DOCK8: variants seen among roughly 807,000 people sequenced by gnomAD.
DOCK8 encodes the protein dedicator of cytokinesis 8, also known as dedicator of cytokinesis protein 8.
Under a neutral mutation model 245.6 loss-of-function variants are expected in DOCK8, and 141 were observed. The ratio of observed to expected loss-of-function variants is 0.57; its 90% CI spans 0.50 to 0.66. The LOEUF (loss-of-function observed/expected upper bound fraction) is 0.66, where lower values mean the gene tolerates loss of function less well. DOCK8 is among the 30% of genes least tolerant of loss of function. The pLI is 0.00. For missense variants in DOCK8, 2,965 were observed against 2,603.4 expected (o/e 1.14, Z -3.02); for synonymous variants, 1,168 against 970.2 (o/e 1.20, Z -3.79).
chr9:307,352 T>G (rs55780169), intron 5 of DOCK8, among the ~76,000 whole-genome samples: 1,557 of 73,590 alleles, frequency 0.021, 27 homozygotes, highest in African/African-American at 0.086. Flanking sequence ...TTTTTTTTTT[T>G]TTTTTTTTTT....
intron 5 of DOCK8, among the ~76,000 whole-genome samples, chr9:305,663 A>G (rs928311576): frequency 6.6e-6 from 1 of 152,248 alleles, no homozygotes; most frequent in African/African-American, 2.4e-5. Flanking sequence ...AGCTTTTAAC[A>G]CTATTCTGTA....
chr9:420,618 T>A (rs1388000645), intron 31 of DOCK8, 35 bp downstream of exon 31: 1 of 1,611,764 alleles, frequency 6.2e-7, no homozygotes, highest in East Asian at 2.2e-5. Context: ...ATACCAGCTC[T>A]TATCTCTCAA....
Position 378,033 on chromosome 9 carries a change from A to G in DOCK8, c.2440+822A>G, listed in dbSNP as rs545173618. ...AGCAGACGTCTTTTGGGTACCATCC[A>G]TATGCCCAGTACTGTACTAAAAGTT... On this transcript the variant is annotated intron_variant, in intron 20 of 47. Transcript: ENST00000432829. 2.0e-5 allele frequency among the ~76,000 whole-genome samples: 3 copies of G among 152,304 alleles called. No individual in the cohort carries two copies. In the South Asian group the frequency reaches 6.2e-4, roughly 32 times the overall value.
At chr9:248,454 C>A (rs1045451152) in intron 1 of DOCK8, among the ~76,000 whole-genome samples, 2 of 151,240 alleles carry the variant, frequency 1.3e-5, no homozygotes, top group Admixed American at 6.6e-5. Context: ...CCCCTCCTTC[C>A]TTCCTTCCTT....
intron 14 of DOCK8, among the ~76,000 whole-genome samples, chr9:362,143 C>A (rs1335189459): frequency 6.6e-6 from 1 of 152,160 alleles, no homozygotes; most frequent in Non-Finnish European, 1.5e-5. Flanking sequence ...GATTGGTCCT[C>A]CATGTTCTCC....
At position 455,872 on chromosome 9, in the gene DOCK8, C is replaced by G. The variant is rs185774923; in HGVS notation, c.6068+3755C>G. On this transcript the variant is annotated intron_variant, in intron 46 of 47. Transcript: ENST00000432829. The stretch of plus-strand genomic sequence containing the variant: ...GAACAAAAAAAAAAGCAAACATGCT[C>G]AAACTGCTGCACCTTGAACCAACTA... Among the ~76,000 whole-genome samples, 268 of 152,160 alleles carry G rather than the reference C, an allele frequency of 1.8e-3. 2 individuals are homozygous for G. The highest frequency in any genetic ancestry group is 6.1e-3 in the African/African-American group (253 of 41,524).
rs758411350 is a variant in DOCK8 at position 340,286 on chromosome 9, A to G, written c.1644A>G (p.Pro548=). Residue 548 remains proline (P), a synonymous_variant, in exon 14 of 48, where the codon CCA becomes CCG. Coordinates refer to ENST00000432829, the MANE Select transcript of DOCK8 (RefSeq NM_203447.4). ...CGCACAAAGAGATTTTGGAATTTCC[A>G]ACACGAGAAGTATATGTCCCTCACA... ...TRPHKEILEF[P]TREVYVPHTV... 5.6e-6 allele frequency: 9 copies of G among 1,614,082 alleles called. No individual in the cohort carries two copies. In the African/African-American group the frequency reaches 1.2e-4, roughly 22 times the overall value.
rs749361649 is a variant in DOCK8 at position 370,256 on chromosome 9, T to A, written c.1824T>A (p.Pro608=). 189 of 1,614,030 alleles carry A rather than the reference T, an allele frequency of 1.2e-4. 1 individual carries two copies. The highest frequency in any genetic ancestry group is 1.5e-4 in the Non-Finnish European group (175 of 1,179,944). Residue 608 remains proline, a synonymous_variant, in exon 16 of 48, where the codon CCT becomes CCA. Transcript: ENST00000432829. ...TCATCTTTGGAAAATCCAGCGGGCC[T>A]GAATTTCTGCAGGAAGTGTACACAG... ...MPVIFGKSSG[P]EFLQEVYTAV...
chr9:379,997 A>G, intron 21 of DOCK8, 62 bp downstream of exon 21: 1 of 1,560,568 alleles, frequency 6.4e-7, no homozygotes. Context: ...ACCCCACTGC[A>G]GTGTAATCCA....
chr9:215,257 C>A, intron 1 of DOCK8: 1 of 1,600,150 alleles, frequency 6.2e-7, no homozygotes, highest in Non-Finnish European at 8.5e-7. Context: ...CTCGGTGCTC[C>A]TGGATGTCCT....
chr9:393,500 G>T (rs1039355481), intron 24 of DOCK8, among the ~76,000 whole-genome samples: 8 of 152,206 alleles, frequency 5.3e-5, no homozygotes, highest in Non-Finnish European at 1.0e-4. Flanking sequence ...GTTGGAGGAA[G>T]GGTGGTGGCC....
intron 28 of DOCK8, among the ~76,000 whole-genome samples, chr9:411,608 G>A (rs947450657): frequency 1.3e-5 from 2 of 152,074 alleles, no homozygotes; most frequent in African/African-American, 4.8e-5. Context: ...TATGAAGCTA[G>A]CATTACCCTA....
rs558653367 is a variant in DOCK8 at position 308,948 on chromosome 9, C to T, written c.529-3006C>T. ...CTGAGATTACAGGCATGAGCCACCG[C>T]ACCTGGCCAGGTTCTTTCTTTTAAT... On this transcript the variant is annotated intron_variant, in intron 5 of 47. Coordinates refer to ENST00000432829, the MANE Select transcript of DOCK8 (RefSeq NM_203447.4). Among the ~76,000 whole-genome samples the T allele has an allele frequency of 9.8e-5, 15 of 152,350 alleles. No individual in the cohort carries two copies. In the South Asian group the frequency reaches 1.7e-3, roughly 17 times the overall value.
At chr9:315,097 A>AG (rs1297974325) in intron 6 of DOCK8, among the ~76,000 whole-genome samples, 1 of 152,242 alleles carries the variant, frequency 6.6e-6, no homozygotes, top group Admixed American at 6.5e-5. Flanking sequence ...AAACCAATTC[A>AG]GAAAAAAAGG....
intron 25 of DOCK8, among the ~76,000 whole-genome samples, chr9:397,441 C>A (rs1020242533): frequency 6.6e-6 from 1 of 151,642 alleles, no homozygotes; most frequent in East Asian, 1.9e-4. Flanking sequence ...GTAATCCCAG[C>A]ACTTTGGGAG....
At chr9:396,553 G>T (rs781419876) in intron 24 of DOCK8, among the ~76,000 whole-genome samples, 1 of 152,170 alleles carries the variant, frequency 6.6e-6, no homozygotes, top group Non-Finnish European at 1.5e-5. Context: ...CAAGAAGGGA[G>T]CCTCTGACTT....
Position 332,219 on chromosome 9 carries a change from A to T in DOCK8, c.1045-179A>T, listed in dbSNP as rs117412116. On this transcript the variant is annotated intron_variant, in intron 9 of 47. Coordinates refer to ENST00000432829, the MANE Select transcript of DOCK8 (RefSeq NM_203447.4). ...GTCACCCTTTTAATATGCCTTTATG[A>T]TTTGTTAAATAAAATTGTATGCTAT... 4.6e-5 allele frequency among the ~76,000 whole-genome samples: 7 copies of T among 152,244 alleles called. No homozygotes were observed. The East Asian group carries it at 1.3e-3, about 29-fold the overall frequency.
rs1260401376 is a variant in DOCK8 at position 227,804 on chromosome 9, G to C, written c.53+12775G>C. On this transcript the variant is annotated intron_variant, in intron 1 of 47. Transcript: ENST00000432829. ...TGGAAAGTATAAGGGGAAGAGAAGA[G>C]GAATGGGCCTAGAGGAAGAGTCACT... Among the ~76,000 whole-genome samples, 5 of 152,066 alleles carry C rather than the reference G, an allele frequency of 3.3e-5. No individual in the cohort carries two copies. In the East Asian group the frequency reaches 9.6e-4, roughly 29 times the overall value.
Position 286,630 on chromosome 9 carries a change from A to C in DOCK8, c.326A>C (p.Glu109Ala). The C allele has an allele frequency of 6.2e-7, 1 of 1,613,810 alleles. No individual in the cohort carries two copies. The highest frequency in any genetic ancestry group is 8.5e-7 in the Non-Finnish European group (1 of 1,179,790). ...ECRTLQPSLP[E>A]EGVELDPHVR... Reference sequence around the variant, plus strand: ...AGGACTTTGCAGCCCTCTTTGCCGGAGGAAGGGTAAATAGTTTTCTAAAAT... The same window carrying C: ...AGGACTTTGCAGCCCTCTTTGCCGGCGGAAGGGTAAATAGTTTTCTAAAAT... The change falls in exon 3 of 48, where the codon GAG (glutamate) becomes GCG (alanine). Residue 109 changes from glutamate (E) to alanine (A), a missense_variant. Around this residue, in one of 3 missense-constraint regions of DOCK8, gnomAD observed 2,825 missense variants for 2,453.5 expected, o/e 1.15. Transcript: ENST00000432829.
Sources: allele counts gnomAD v4.1 joint callset (sites outside exome capture counted in the v4.1 genomes callset), GRCh38; gene constraint gnomAD v4.1.1; regional missense constraint gnomAD v4.1.1; transcripts MANE v1.5; gene names NCBI Gene and HGNC (gene_info 2026-07-23, HGNC 2026-07-21).